The following PLCXD3 variants were observed in gnomAD, a reference collection of about 807,000 sequenced individuals.
PLCXD3 encodes the protein PI-PLC X domain-containing protein 3.
Under a neutral mutation model 25.5 loss-of-function variants are expected in PLCXD3, and 19 were observed. That is an observed-to-expected ratio of 0.75 (90% CI 0.52 to 1.09). The LOEUF (loss-of-function observed/expected upper bound fraction) is 1.09. Ranked by LOEUF, PLCXD3 falls within the 50% of genes least tolerant of loss-of-function variation. The pLI, the probability that PLCXD3 is intolerant of heterozygous loss-of-function variation, is 0.00. For missense variants in PLCXD3, 411 were observed against 388.1 expected (o/e 1.06, Z -0.50); for synonymous variants, 174 against 137.6 (o/e 1.26, Z -1.85).
intron 1 of PLCXD3, among the ~76,000 whole-genome samples, chr5:41,445,835 CATG>C (rs1416604190): frequency 1.3e-5 from 2 of 151,936 alleles, no homozygotes; most frequent in Non-Finnish European, 2.9e-5. Flanking sequence ...CTTAAATAAT[CATG>C]ATAAGTAATT....
At chr5:41,488,897 G>A (rs1308686129) in intron 1 of PLCXD3, among the ~76,000 whole-genome samples, 2 of 151,232 alleles carry the variant, frequency 1.3e-5, no homozygotes, top group Non-Finnish European at 3.0e-5. Context: ...CACTCTGATG[G>A]TAGTTTCTTT....
chr5:41,429,250 C>T (rs569916660), intron 1 of PLCXD3, among the ~76,000 whole-genome samples: 5 of 151,490 alleles, frequency 3.3e-5, no homozygotes, highest in Non-Finnish European at 7.4e-5. Flanking sequence ...TTACAAAGGA[C>T]AAAGTGATCT....
chr5:41,463,988 A>T (rs1747952617), intron 1 of PLCXD3, among the ~76,000 whole-genome samples: 2 of 152,042 alleles, frequency 1.3e-5, no homozygotes, highest in Non-Finnish European at 2.9e-5. Flanking sequence ...TGCTACAGGC[A>T]TTACTAGACA....
chr5:41,508,113 A>T (rs1749091477), intron 1 of PLCXD3, among the ~76,000 whole-genome samples: 1 of 152,178 alleles, frequency 6.6e-6, no homozygotes, highest in Non-Finnish European at 1.5e-5. Flanking sequence ...TGGAGTGAGA[A>T]GGGGAAGCTT....
At chr5:41,329,543 A>T (rs1329444741) in intron 2 of PLCXD3, among the ~76,000 whole-genome samples, 1 of 152,224 alleles carries the variant, frequency 6.6e-6, no homozygotes, top group Non-Finnish European at 1.5e-5. Flanking sequence ...GGCTACTGCC[A>T]CAGATTTTAG....
At chr5:41,351,001 T>C (rs2150480957) in intron 2 of PLCXD3, among the ~76,000 whole-genome samples, 1 of 152,314 alleles carries the variant, frequency 6.6e-6, no homozygotes, top group East Asian at 1.9e-4. Flanking sequence ...CCATACTTTA[T>C]ACTATTGTTT....
At chr5:41,338,347 A>G (rs1276702988) in intron 2 of PLCXD3, among the ~76,000 whole-genome samples, 1 of 152,110 alleles carries the variant, frequency 6.6e-6, no homozygotes, top group Non-Finnish European at 1.5e-5. Context: ...AGAACATTGA[A>G]ATGTCCTGAA....
intron 2 of PLCXD3, among the ~76,000 whole-genome samples, chr5:41,366,163 A>G (rs954186623): frequency 1.3e-5 from 2 of 151,996 alleles, no homozygotes; most frequent in Non-Finnish European, 2.9e-5. Flanking sequence ...TCATTGTTCA[A>G]TTCCCACCTG....
intron 1 of PLCXD3, among the ~76,000 whole-genome samples, chr5:41,471,676 G>T (rs1049601695): frequency 2.6e-5 from 4 of 152,094 alleles, no homozygotes; most frequent in African/African-American, 9.7e-5. Flanking sequence ...GAAAAACACA[G>T]GATATTAGAA....
At chr5:41,490,848 G>C (rs1022236692) in intron 1 of PLCXD3, among the ~76,000 whole-genome samples, 5 of 152,106 alleles carry the variant, frequency 3.3e-5, no homozygotes, top group Non-Finnish European at 7.3e-5. Flanking sequence ...AGTCTTGCTA[G>C]AAGTCTATCA....
chr5:41,417,186 A>C (rs1019603160), intron 1 of PLCXD3, among the ~76,000 whole-genome samples: 1 of 152,178 alleles, frequency 6.6e-6, no homozygotes, highest in African/African-American at 2.4e-5. Context: ...ACTTATTACT[A>C]TTACCCATTG....
In PLCXD3 at chr5:41,493,917, G is replaced by A. The variant is rs560861221; in HGVS notation, c.103+16507C>T. Among the ~76,000 whole-genome samples, 18 of 152,252 alleles carry A rather than the reference G, an allele frequency of 1.2e-4. No individual in the cohort carries two copies. In the East Asian group the frequency reaches 2.5e-3, roughly 21 times the overall value. On this transcript the variant is annotated intron_variant, in intron 1 of 2. Coordinates refer to ENST00000377801, the MANE Select transcript of PLCXD3 (RefSeq NM_001005473.3). ...GTCAGACAATGCCTCGCCCTGCTTC[G>A]GCTCGCGCACAGTGCGCTGCACCCA... is the stretch of plus-strand genomic sequence containing the variant.
At chr5:41,494,406 G>T (rs1393791925) in intron 1 of PLCXD3, among the ~76,000 whole-genome samples, 2 of 152,212 alleles carry the variant, frequency 1.3e-5, no homozygotes, top group Non-Finnish European at 2.9e-5. Context: ...TGGCAGCAGA[G>T]AAAAGTGGAA....
In PLCXD3 at chr5:41,382,490, C is replaced by A; in HGVS notation, c.148G>T (p.Val50Leu). 6.2e-7 allele frequency: 1 copy of A among 1,608,496 alleles called. No homozygotes were observed. The part of the protein sequence containing the change: ...FSFYIDEASP[V>L]GPEQPETVQN... ...ACAGTTTCTGGCTGCTCAGGACCTACTGGAGAGGCTTCATCAATGTAGAAG... is the reference window on the plus strand; with the variant it reads ...ACAGTTTCTGGCTGCTCAGGACCTAATGGAGAGGCTTCATCAATGTAGAAG... Residue 50 changes from valine (V) to leucine (L), a missense_variant, in exon 2 of 3, where the codon GTA (valine) becomes TTA (leucine). Transcript: ENST00000377801.
intron 2 of PLCXD3, among the ~76,000 whole-genome samples, chr5:41,343,004 A>G (rs1337849495): frequency 1.3e-5 from 2 of 152,140 alleles, no homozygotes; most frequent in Non-Finnish European, 2.9e-5. Flanking sequence ...CAAAAATCTA[A>G]TTGTTTGAAT....
At chr5:41,446,002 A>G (rs1747487230) in intron 1 of PLCXD3, among the ~76,000 whole-genome samples, 1 of 151,696 alleles carries the variant, frequency 6.6e-6, no homozygotes. Flanking sequence ...CCTGGCTAAC[A>G]TGGTGAAACC....
chr5:41,432,986 T>A (rs1361261584), intron 1 of PLCXD3, among the ~76,000 whole-genome samples: 1 of 152,198 alleles, frequency 6.6e-6, no homozygotes, highest in African/African-American at 2.4e-5. Context: ...CACGAAGAAC[T>A]TGACCTTAAT....
chr5:41,477,457 TG>T (rs1162473131), intron 1 of PLCXD3, among the ~76,000 whole-genome samples: 1 of 152,180 alleles, frequency 6.6e-6, no homozygotes, highest in African/African-American at 2.4e-5. Flanking sequence ...TTACCTTCTC[TG>T]TGTGCCAGCA....
chr5:41,347,011 G>C (rs186747137), intron 2 of PLCXD3, among the ~76,000 whole-genome samples: 4 of 152,240 alleles, frequency 2.6e-5, no homozygotes, highest in Admixed American at 2.6e-4. Flanking sequence ...ATTCATTTTG[G>C]TAAGTACCTA....
Sources: gnomAD v4.1 joint callset for allele counts (sites outside exome capture counted in the v4.1 genomes callset) on GRCh38, gnomAD v4.1.1 for gene constraint, MANE v1.5 for transcripts, NCBI Gene and HGNC (gene_info 2026-07-23, HGNC 2026-07-21) for gene names.